CTNNA3: variants seen among roughly 807,000 people sequenced by gnomAD.
The protein encoded by CTNNA3 is catenin alpha-3.
CTNNA3 carries 76 observed loss-of-function variants against 95.7 expected under a neutral mutation model. The ratio of observed to expected loss-of-function variants is 0.79; its 90% CI spans 0.66 to 0.96. The LOEUF is 0.96. Among genes scored for constraint, CTNNA3 ranks in the 40% least tolerant of loss-of-function variants. CTNNA3 has a pLI of 0.00. For missense variants in CTNNA3, 1,191 were observed against 1,089.8 expected (o/e 1.09, Z -1.31); for synonymous variants, 431 against 374.4 (o/e 1.15, Z -1.74).
intron 13 of CTNNA3, among the ~76,000 whole-genome samples, chr10:66,199,645 C>T (rs1474489369): frequency 3.3e-5 from 5 of 149,368 alleles, no homozygotes; most frequent in Admixed American, 2.0e-4. Context: ...TCTGCCGTCC[C>T]GGCTGGAGTG....
At chr10:67,093,886 C>G (rs1857810316) in intron 7 of CTNNA3, among the ~76,000 whole-genome samples, 1 of 151,934 alleles carries the variant, frequency 6.6e-6, no homozygotes, top group African/African-American at 2.4e-5. Context: ...AAACAACTGA[C>G]TATAATTTGA....
At position 66,359,641 on chromosome 10, in the gene CTNNA3, T is replaced by G. The variant is rs2092637876; in HGVS notation, c.1732+19511A>C. ...ATGCATACCTCTGTTCTGTTTTGCA[T>G]TAAAGGTTCACATCTGTCATCCCCC... is the stretch of plus-strand genomic sequence containing the variant. On this transcript the variant is annotated intron_variant, in intron 12 of 17. Transcript: ENST00000433211. Among the ~76,000 whole-genome samples, 4 of 152,260 alleles carry G rather than the reference T, an allele frequency of 2.6e-5. No individual in the cohort carries two copies. In the South Asian group the frequency reaches 8.3e-4, roughly 32 times the overall value.
chr10:66,702,360 G>C (rs1480545994), intron 9 of CTNNA3, among the ~76,000 whole-genome samples: 3 of 151,958 alleles, frequency 2.0e-5, no homozygotes, highest in African/African-American at 7.3e-5. Flanking sequence ...AGTCCTCTAG[G>C]GATGAAGAGG....
intron 5 of CTNNA3, among the ~76,000 whole-genome samples, chr10:67,244,875 T>C (rs1193347291): frequency 6.6e-6 from 1 of 152,174 alleles, no homozygotes; most frequent in Non-Finnish European, 1.5e-5. Flanking sequence ...ATTCTTACGG[T>C]ATTTAACAGT....
At chr10:65,996,072 C>T (rs1318546790) in intron 15 of CTNNA3, among the ~76,000 whole-genome samples, 1 of 152,132 alleles carries the variant, frequency 6.6e-6, no homozygotes, top group Non-Finnish European at 1.5e-5. Flanking sequence ...ACACTGTGGG[C>T]CTGTTTCTGG....
At chr10:66,045,133 A>C (rs879213995) in intron 15 of CTNNA3, among the ~76,000 whole-genome samples, 1 of 152,220 alleles carries the variant, frequency 6.6e-6, no homozygotes, top group Non-Finnish European at 1.5e-5. Flanking sequence ...GGGAGGAGAA[A>C]CAACAACAAC....
At position 66,431,334 on chromosome 10, in the gene CTNNA3, G is replaced by A. The variant is rs2093293875; in HGVS notation, c.1532-51982C>T. ...TAGTTCAACCATTGTGGAAGACAGT[G>A]TGGCAATTCCTCAGGGATCCAGAAG... On this transcript the variant is annotated intron_variant, in intron 11 of 17. Transcript: ENST00000433211. Among the ~76,000 whole-genome samples the A allele has an allele frequency of 2.0e-5, 3 of 152,198 alleles. No individual in the cohort carries two copies. In the South Asian group the frequency reaches 6.2e-4, roughly 32 times the overall value.
At chr10:66,266,051 G>A (rs2091141900) in intron 13 of CTNNA3, among the ~76,000 whole-genome samples, 2 of 150,610 alleles carry the variant, frequency 1.3e-5, no homozygotes, top group East Asian at 2.0e-4. Context: ...GAGAGGGAGG[G>A]AGGGAGGAAA....
rs565666651 is a variant in CTNNA3, at chr10:66,423,802, G to T, written c.1532-44450C>A. On this transcript the variant is annotated intron_variant, in intron 11 of 17. Transcript: ENST00000433211. ...TGAAATCGGCCAGAAGCCCCTCTCA[G>T]GTTTATTCTAAAAAATAAAGTTGTC... Among the ~76,000 whole-genome samples, 8 of 152,268 alleles carry T rather than the reference G, an allele frequency of 5.3e-5. 1 individual carries two copies. In the South Asian group the frequency reaches 1.7e-3, roughly 32 times the overall value.
At chr10:66,734,074 A>G (rs1849050678) in intron 9 of CTNNA3, among the ~76,000 whole-genome samples, 1 of 151,914 alleles carries the variant, frequency 6.6e-6, no homozygotes, top group South Asian at 2.1e-4. Context: ...AATATTTTTT[A>G]TTCAATTCTT....
intron 7 of CTNNA3, among the ~76,000 whole-genome samples, chr10:67,147,684 A>G (rs1217117777): frequency 2.0e-5 from 3 of 152,158 alleles, no homozygotes; most frequent in African/African-American, 4.8e-5. Context: ...TTACACTACA[A>G]TTGTATTTGT....
At chr10:66,904,288 T>A (rs1293846963) in intron 7 of CTNNA3, among the ~76,000 whole-genome samples, 1 of 152,208 alleles carries the variant, frequency 6.6e-6, no homozygotes, top group African/African-American at 2.4e-5. Context: ...ATTTAATTAA[T>A]GGTGCTGGGA....
chr10:66,874,664 T>C (rs1316878406), intron 7 of CTNNA3, among the ~76,000 whole-genome samples: 1 of 152,236 alleles, frequency 6.6e-6, no homozygotes, highest in Non-Finnish European at 1.5e-5. Context: ...CTGAATTTCA[T>C]GTTTTCTCTT....
chr10:67,005,965 C>T (rs1375089374), intron 7 of CTNNA3, among the ~76,000 whole-genome samples: 2 of 151,820 alleles, frequency 1.3e-5, no homozygotes, highest in East Asian at 1.9e-4. Context: ...GGATTACAAG[C>T]GTGAGCCATC....
intron 15 of CTNNA3, among the ~76,000 whole-genome samples, chr10:66,024,507 A>G (rs1417070052): frequency 2.0e-5 from 3 of 152,212 alleles, no homozygotes. Context: ...AAATGTAACC[A>G]TTCTCTGTAA....
At chr10:66,583,633 T>A (rs189913719) in intron 10 of CTNNA3, among the ~76,000 whole-genome samples, 10 of 151,936 alleles carry the variant, frequency 6.6e-5, no homozygotes, top group Admixed American at 5.2e-4. Flanking sequence ...AAGGAGCTAT[T>A]TTTTGTTTCA....
chr10:67,263,468 G>A (rs1195621109), intron 5 of CTNNA3, among the ~76,000 whole-genome samples: 2 of 152,086 alleles, frequency 1.3e-5, no homozygotes, highest in Non-Finnish European at 2.9e-5. Flanking sequence ...ACAGTCCAAG[G>A]GGTATATTAA....
chr10:67,453,016 T>C (rs184640472), intron 5 of CTNNA3, among the ~76,000 whole-genome samples: 1 of 152,294 alleles, frequency 6.6e-6, no homozygotes, highest in East Asian at 1.9e-4. Flanking sequence ...AGTGTGTTAC[T>C]TTTTGACACT....
intron 2 of CTNNA3, 34 bp downstream of exon 2, chr10:67,647,381 T>C (rs1488523482): frequency 1.4e-6 from 2 of 1,437,624 alleles, no homozygotes; most frequent in Non-Finnish European, 1.9e-6. Context: ...TCTTCTGCAG[T>C]TACTATATAT....
Sources: allele counts gnomAD v4.1 joint callset (sites outside exome capture counted in the v4.1 genomes callset), GRCh38; gene constraint gnomAD v4.1.1; transcripts MANE v1.5; gene names NCBI Gene and HGNC (gene_info 2026-07-23, HGNC 2026-07-21).